The following METTL15 variants were observed in gnomAD, a reference collection of about 807,000 sequenced individuals.
METTL15 encodes methyltransferase 15, mitochondrial 12S rRNA N4-cytidine, also known as 12S rRNA N(4)-cytidine methyltransferase METTL15.
Under a neutral mutation model 38.3 loss-of-function variants are expected in METTL15, and 34 were observed. That is an observed-to-expected ratio of 0.89 (90% CI 0.68 to 1.18). The LOEUF is 1.18. METTL15 is among the 50% of genes most tolerant of loss of function. The pLI, the probability that METTL15 is intolerant of heterozygous loss-of-function variation, is 0.00. For synonymous variants in METTL15, 162 were observed against 170.9 expected, an observed-to-expected ratio of 0.95 and a Z score of 0.41; for missense variants, 438 against 498.4, an observed-to-expected ratio of 0.88 and a Z score of 1.15.
chr11:28,283,853 T>TA (rs1856151640), intron 4 of METTL15, among the ~76,000 whole-genome samples: 1 of 152,272 alleles, frequency 6.6e-6, no homozygotes, highest in South Asian at 2.1e-4. Flanking sequence ...ACTTTTCTGT[T>TA]ACTTTTAACA....
intron 3 of METTL15, among the ~76,000 whole-genome samples, chr11:28,171,583 G>A (rs961194845): frequency 4.6e-5 from 7 of 152,074 alleles, no homozygotes; most frequent in Non-Finnish European, 1.0e-4. Flanking sequence ...CATTTTAGGT[G>A]ACATTTCGTT....
At chr11:28,367,059 C>G (rs1850192830) in intron 5 of METTL15, among the ~76,000 whole-genome samples, 1 of 152,218 alleles carries the variant, frequency 6.6e-6, no homozygotes, top group African/African-American at 2.4e-5. Context: ...CAAATTGTGG[C>G]TTCTGTCTCA....
chr11:28,136,423 G>A (rs756870698), intron 3 of METTL15, among the ~76,000 whole-genome samples: 1 of 152,088 alleles, frequency 6.6e-6, no homozygotes, highest in African/African-American at 2.4e-5. Flanking sequence ...TGCCATGATT[G>A]TGTGGGCTCC....
chr11:28,145,328 G>C (rs1270772867), intron 3 of METTL15: 1 of 151,328 alleles, frequency 6.6e-6, no homozygotes, highest in East Asian at 1.9e-4. Context: ...TATACTTTCT[G>C]TACTAATTTA....
At chr11:28,442,995 C>G (rs1213411769) in intron 6 of METTL15, among the ~76,000 whole-genome samples, 2 of 152,114 alleles carry the variant, frequency 1.3e-5, no homozygotes, top group Non-Finnish European at 2.9e-5. Context: ...ATGCACTGAT[C>G]TTAAGTGTAA....
chr11:28,424,444 C>G (rs1369297390), intron 6 of METTL15: 2 of 152,096 alleles, frequency 1.3e-5, no homozygotes, highest in African/African-American at 4.8e-5. Flanking sequence ...GTAGAGAAGG[C>G]AGATACATAT....
At chr11:28,301,232 T>C (rs1366292830) in intron 6 of METTL15, among the ~76,000 whole-genome samples, 1 of 152,124 alleles carries the variant, frequency 6.6e-6, no homozygotes, top group African/African-American at 2.4e-5. Context: ...AGGCCTTGGA[T>C]GTCCTTCTGC....
intron 6 of METTL15, among the ~76,000 whole-genome samples, chr11:28,454,223 G>C (rs1851148765): frequency 6.6e-6 from 1 of 152,138 alleles, no homozygotes; most frequent in African/African-American, 2.4e-5. Flanking sequence ...CAGCTTTACT[G>C]GTATTATGGT....
At chr11:28,194,911 AC>A (rs1851854580) in intron 3 of METTL15, among the ~76,000 whole-genome samples, 1 of 151,400 alleles carries the variant, frequency 6.6e-6, no homozygotes, top group South Asian at 2.1e-4. Flanking sequence ...GCCTTTATGC[AC>A]CCATAGCTTA....
Position 28,359,567 on chromosome 11 carries a change from G to T in METTL15, c.*259-2370G>T, listed in dbSNP as rs188885183. On this transcript the variant is annotated intron_variant and NMD_transcript_variant, in intron 4 of 7. Transcript: ENST00000532947. ...AGTATATAATTGTTCCCTTTTCTCC[G>T]CAGCCTTGCCAACATCTGTTATTTT... Among the ~76,000 whole-genome samples the T allele has an allele frequency of 9.2e-5, 14 of 152,090 alleles. No homozygotes were observed. In the East Asian group the frequency reaches 2.7e-3, roughly 29 times the overall value.
chr11:28,521,933 A>G (rs964581659), intron 6 of METTL15, among the ~76,000 whole-genome samples: 3 of 152,008 alleles, frequency 2.0e-5, no homozygotes, highest in African/African-American at 7.3e-5. Context: ...GCTGTCCACA[A>G]CTCTGGCAAG....
intron 6 of METTL15, among the ~76,000 whole-genome samples, chr11:28,443,309 C>T (rs1008609762): frequency 4.6e-5 from 7 of 151,892 alleles, no homozygotes; most frequent in Admixed American, 2.0e-4. Flanking sequence ...TGCTCACCCT[C>T]CTGGCTGCTA....
chr11:28,328,240 A>G, intron 6 of METTL15: 5 of 1,391,656 alleles, frequency 3.6e-6, no homozygotes, highest in Non-Finnish European at 5.0e-6. Flanking sequence ...TGGAAGATAA[A>G]TCCCCTAGTG....
Position 28,322,107 on chromosome 11 carries a change from T to G in METTL15, c.779-8289T>G, listed in dbSNP as rs149514426. On this transcript the variant is annotated intron_variant, in intron 6 of 6. Transcript: ENST00000407364. ...ATATATCAAAAAATAGAGTTGATTA[T>G]ATCTATAATCTTAGAGTGGGAAAAA... Among the ~76,000 whole-genome samples, 659 of 152,164 alleles carry G rather than the reference T, an allele frequency of 4.3e-3. 8 individuals carry two copies. Among genetic ancestry groups the G allele is most frequent in the African/African-American group, 0.014 (597 of 41,556 alleles).
intron 3 of METTL15, among the ~76,000 whole-genome samples, chr11:28,194,315 C>T (rs1242164162): frequency 6.6e-6 from 1 of 151,806 alleles, no homozygotes; most frequent in Non-Finnish European, 1.5e-5. Context: ...TCTCCTGCCA[C>T]AGCCTCCTGA....
At chr11:28,132,590 GT>G (rs1849375387) in intron 3 of METTL15, among the ~76,000 whole-genome samples, 1 of 151,924 alleles carries the variant, frequency 6.6e-6, no homozygotes, top group African/African-American at 2.4e-5. Context: ...CTTGCGGAGG[GT>G]TTCTTCCATG....
intron 6 of METTL15, among the ~76,000 whole-genome samples, chr11:28,512,811 A>G (rs1018683781): frequency 6.6e-6 from 1 of 152,230 alleles, no homozygotes; most frequent in Non-Finnish European, 1.5e-5. Flanking sequence ...GGGCTCTTCA[A>G]GTGCTGCCAA....
chr11:28,198,982 A>AT (rs34011846), intron 3 of METTL15, among the ~76,000 whole-genome samples: 86,148 of 146,136 alleles, frequency 0.59, 26,335 homozygotes, highest in Admixed American at 0.72. Flanking sequence ...CTTTTTAGTG[A>AT]TTTTTTTTTT....
intron 6 of METTL15, among the ~76,000 whole-genome samples, chr11:28,316,526 T>C (rs1229974783): frequency 1.3e-5 from 2 of 152,184 alleles, no homozygotes; most frequent in Admixed American, 6.5e-5. Context: ...GACTTTTGAG[T>C]TACTGCTGAA....
Sources: gnomAD v4.1 joint callset for allele counts (sites outside exome capture counted in the v4.1 genomes callset) on GRCh38, gnomAD v4.1.1 for gene constraint, MANE v1.5 for transcripts, NCBI Gene and HGNC (gene_info 2026-07-23, HGNC 2026-07-21) for gene names.